COP1: variants seen among roughly 807,000 people sequenced by gnomAD.
COP1 encodes COP1 E3 ubiquitin ligase.
In COP1, 24 loss-of-function variants were observed where a neutral mutation model predicts 101.3. That is an observed-to-expected ratio of 0.24 (90% confidence interval 0.17 to 0.33). The LOEUF (loss-of-function observed/expected upper bound fraction) is 0.33. Among genes scored for constraint, COP1 ranks in the 10% least tolerant of loss-of-function variants. COP1 has a pLI of 1.00. For missense variants in COP1, 663 were observed against 906.2 expected (o/e 0.73, Z 3.45); for synonymous variants, 347 against 341.9 (o/e 1.01, Z -0.17).
chr1:176,133,240 G>A (rs886700263), intron 8 of COP1, among the ~76,000 whole-genome samples: 8 of 147,010 alleles, frequency 5.4e-5, no homozygotes, highest in East Asian at 2.0e-4. Context: ...GTATATGTAC[G>A]TAGGTACACA....
chr1:176,206,980 G>A lies in COP1; in HGVS notation c.-2C>T, dbSNP rs1700932263. On this transcript the variant is annotated 5_prime_UTR_variant, in exon 1 of 20. The change creates a new upstream start codon in the 5' untranslated region. Coordinates refer to ENST00000367669, the MANE Select transcript of COP1 (RefSeq NM_022457.7). Reference sequence around the variant, plus strand: ...CCCGGCCTGGCGGCTACCAGACATCGTGACTCCCTCCCCTCCAGCCGGGCG... The same window carrying A: ...CCCGGCCTGGCGGCTACCAGACATCATGACTCCCTCCCCTCCAGCCGGGCG... 2 of 1,384,816 alleles carry A rather than the reference G, an allele frequency of 1.4e-6. No homozygotes were observed. The highest frequency in any genetic ancestry group is 1.9e-6 in the Non-Finnish European group (2 of 1,073,506). The allele number at this position is 1,384,816 out of a possible 1,614,324, so 85.8% of individuals were successfully genotyped here. A position where few individuals can be genotyped will look rare whatever the true frequency, so the allele number is the denominator to read the frequency against.
chr1:176,194,663 T>C lies in COP1; in HGVS notation c.408-9971A>G, dbSNP rs185750369. Among the ~76,000 whole-genome samples, 3 of 151,462 alleles carry C rather than the reference T, an allele frequency of 2.0e-5. No individual in the cohort carries two copies. In the East Asian group the frequency reaches 5.9e-4, roughly 30 times the overall value. Reference sequence around the variant, plus strand: ...AACAACAAAAACAACAAAGGCAGATTGTCATACTAAATAAAAAGGAAGACT... The same window carrying C: ...AACAACAAAAACAACAAAGGCAGATCGTCATACTAAATAAAAAGGAAGACT... On this transcript the variant is annotated intron_variant, in intron 1 of 19. Coordinates refer to ENST00000367669, the MANE Select transcript of COP1 (RefSeq NM_022457.7).
At chr1:175,987,374 T>A (rs1263890641) in intron 17 of COP1, among the ~76,000 whole-genome samples, 1 of 152,216 alleles carries the variant, frequency 6.6e-6, no homozygotes, top group African/African-American at 2.4e-5. Context: ...AAATCATTTA[T>A]AGAGGTTGGT....
At chr1:175,996,573 C>T (rs1353516680) in intron 15 of COP1, among the ~76,000 whole-genome samples, 1 of 151,906 alleles carries the variant, frequency 6.6e-6, no homozygotes, top group Non-Finnish European at 1.5e-5. Context: ...AATCAATGTA[C>T]AAAAATCACA....
chr1:176,145,109 A>G (rs1691364734), intron 6 of COP1, among the ~76,000 whole-genome samples: 1 of 152,190 alleles, frequency 6.6e-6, no homozygotes, highest in African/African-American at 2.4e-5. Context: ...TGTGATAGAT[A>G]GATCTGACAA....
intron 15 of COP1, among the ~76,000 whole-genome samples, chr1:176,023,401 C>A (rs919459352): frequency 1.3e-5 from 2 of 152,082 alleles, no homozygotes; most frequent in African/African-American, 2.4e-5. Flanking sequence ...AATTAGAAAA[C>A]TTAGAAAATA....
intron 6 of COP1, 27 bp from the exon 7 acceptor site, chr1:176,136,574 C>CAAA: frequency 3.4e-6 from 4 of 1,193,578 alleles, no homozygotes; most frequent in Non-Finnish European, 4.5e-6. Context: ...GAGAGAAAGA[C>CAAA]AAAAAAAAAA....
intron 9 of COP1, among the ~76,000 whole-genome samples, chr1:176,095,515 A>G (rs1359617479): frequency 3.3e-5 from 5 of 152,150 alleles, no homozygotes; most frequent in Non-Finnish European, 7.4e-5. Context: ...CCCTGTTTCT[A>G]TAAAACACAA....
chr1:176,203,376 T>C (rs759712542), intron 1 of COP1, among the ~76,000 whole-genome samples: 1 of 152,204 alleles, frequency 6.6e-6, no homozygotes, highest in Non-Finnish European at 1.5e-5. Context: ...ATAAAGAGCT[T>C]ACTATCTACA....
chr1:176,000,089 G>A lies in COP1; in HGVS notation c.1730-10610C>T, dbSNP rs529923578. Among the ~76,000 whole-genome samples the A allele has an allele frequency of 1.4e-4, 22 of 152,080 alleles. No homozygotes were observed. In the South Asian group the frequency reaches 4.4e-3, roughly 30 times the overall value. Reference sequence around the variant, plus strand: ...CTGCACTTTGTTGACTGTTGCCTTCGCTGTGCAGAAGCTTTTTAACTTGAT... The same window carrying A: ...CTGCACTTTGTTGACTGTTGCCTTCACTGTGCAGAAGCTTTTTAACTTGAT... On this transcript the variant is annotated intron_variant, in intron 15 of 19. Transcript: ENST00000367669.
intron 15 of COP1, among the ~76,000 whole-genome samples, chr1:176,003,005 C>G (rs556470722): frequency 6.7e-6 from 1 of 150,036 alleles, no homozygotes; most frequent in South Asian, 2.1e-4. Context: ...TCTCCACATC[C>G]TCTCCAGCAC....
intron 11 of COP1, among the ~76,000 whole-genome samples, chr1:176,055,422 T>C (rs1388783319): frequency 6.6e-6 from 1 of 152,134 alleles, no homozygotes; most frequent in Admixed American, 6.5e-5. Context: ...GCAACAAAAG[T>C]GAAACTCCAT....
chr1:176,147,432 CTCAAAG>C (rs926818968), intron 6 of COP1, among the ~76,000 whole-genome samples: 3 of 152,044 alleles, frequency 2.0e-5, no homozygotes, highest in African/African-American at 4.8e-5. Context: ...AACTAAAATA[CTCAAAG>C]TCAATCACAG....
At chr1:176,166,208 C>A (rs1216074832) in intron 3 of COP1, among the ~76,000 whole-genome samples, 1 of 152,122 alleles carries the variant, frequency 6.6e-6, no homozygotes, top group Non-Finnish European at 1.5e-5. Flanking sequence ...CTCCCTGCAA[C>A]CTCCGCCTCC....
At chr1:176,054,673 A>T (rs554994744) in intron 11 of COP1, among the ~76,000 whole-genome samples, 1 of 152,200 alleles carries the variant, frequency 6.6e-6, no homozygotes, top group East Asian at 1.9e-4. Flanking sequence ...TTGCTTACCT[A>T]CTCAAGGATT....
intron 18 of COP1, among the ~76,000 whole-genome samples, chr1:175,982,801 A>T (rs1333324412): frequency 1.3e-5 from 2 of 152,162 alleles, no homozygotes; most frequent in African/African-American, 4.8e-5. Context: ...GCATGATCTC[A>T]TTTATACGTG....
chr1:175,996,594 T>C (rs372381333), intron 15 of COP1, among the ~76,000 whole-genome samples: 344 of 147,500 alleles, frequency 2.3e-3, no homozygotes, highest in African/African-American at 7.8e-3. Context: ...AGCATTCTTA[T>C]ACACCAATAA....
chr1:176,006,967 C>A (rs11584315), intron 15 of COP1, among the ~76,000 whole-genome samples: 5,210 of 151,684 alleles, frequency 0.034, 123 homozygotes, highest in Non-Finnish European at 0.048. Context: ...TCCATTCTCC[C>A]CATCACTTTC....
intron 5 of COP1, among the ~76,000 whole-genome samples, chr1:176,155,955 C>T (rs560946437): frequency 1.3e-5 from 2 of 151,870 alleles, no homozygotes; most frequent in Admixed American, 1.3e-4. Context: ...GGAAATCAGC[C>T]AGATGGATGC....
Sources: allele counts gnomAD v4.1 joint callset (sites outside exome capture counted in the v4.1 genomes callset), GRCh38; gene constraint gnomAD v4.1.1; transcripts MANE v1.5; gene names NCBI Gene and HGNC (gene_info 2026-07-23, HGNC 2026-07-21).